The following GTF2IRD2B variants were observed in gnomAD, a reference collection of about 807,000 sequenced individuals.
The protein encoded by GTF2IRD2B is general transcription factor II-I repeat domain-containing protein 2B.
In GTF2IRD2B, 10 loss-of-function variants were observed where a neutral mutation model predicts 55.6. The ratio of observed to expected loss-of-function variants is 0.18; its 90% CI spans 0.11 to 0.31. The LOEUF (loss-of-function observed/expected upper bound fraction) is 0.31, where lower values mean the gene tolerates loss of function less well. Among genes scored for constraint, GTF2IRD2B ranks in the 10% least tolerant of loss-of-function variants. GTF2IRD2B has a pLI of 1.00. For synonymous variants in GTF2IRD2B, 107 were observed against 320.5 expected, an observed-to-expected ratio of 0.33 and a Z score of 7.12; for missense variants, 206 against 802.7, an observed-to-expected ratio of 0.26 and a Z score of 8.98.
At chr7:75,116,585 G>C (rs1284199489) in intron 3 of GTF2IRD2B, among the ~76,000 whole-genome samples, 3 of 146,416 alleles carry the variant, frequency 2.0e-5, no homozygotes, top group East Asian at 4.1e-4. Flanking sequence ...TGCTCGGCTA[G>C]GACTTCCAAA....
chr7:75,127,774 T>G (rs1808571338), intron 8 of GTF2IRD2B, among the ~76,000 whole-genome samples: 1 of 63,018 alleles, frequency 1.6e-5, no homozygotes, highest in African/African-American at 6.0e-5. Flanking sequence ...CAGTGTATAC[T>G]GGAAAAAAAA....
At chr7:75,099,837 G>T (rs1807483171) in intron 1 of GTF2IRD2B, among the ~76,000 whole-genome samples, 1 of 135,998 alleles carries the variant, frequency 7.4e-6, no homozygotes, top group Admixed American at 7.2e-5. Flanking sequence ...TTTCGGCCAG[G>T]CGTGGTAGAT....
At chr7:75,114,345 T>C (rs1295011564) in intron 3 of GTF2IRD2B, among the ~76,000 whole-genome samples, 1 of 151,610 alleles carries the variant, frequency 6.6e-6, no homozygotes, top group Non-Finnish European at 1.5e-5. Context: ...CATAGTTGCA[T>C]GTTAATTTTG....
intron 1 of GTF2IRD2B, among the ~76,000 whole-genome samples, chr7:75,101,940 G>A (rs1304726733): frequency 2.0e-5 from 3 of 149,202 alleles, no homozygotes; most frequent in Non-Finnish European, 3.0e-5. Context: ...AAAGTGTACT[G>A]TTCAGTGGTT....
Position 75,148,843 on chromosome 7 carries a change from C to G in GTF2IRD2B, c.2396C>G (p.Thr799Arg), listed in dbSNP as rs376335386. ...AKLCLWETHL[T>R]RNNLAHFPTL... ...CTGTGCCTCTGGGAGACTCATTTGA[C>G]GAGGAATAATCTGGCCCACTTTCCC... The change falls in exon 16 of 16, where the codon ACG (threonine) becomes AGG (arginine). Residue 799 changes from threonine (T) to arginine (R), a missense_variant. Physicochemically the swap from Thr to Arg is moderately conservative, Grantham distance 71. Transcript: ENST00000472837. 1.9e-6 allele frequency: 3 copies of G among 1,607,632 alleles called. No homozygotes were observed. Among genetic ancestry groups the G allele is most frequent in the South Asian group, 2.2e-5 (2 of 90,956 alleles).
intron 1 of GTF2IRD2B, among the ~76,000 whole-genome samples, chr7:75,107,371 C>A (rs1318977888): frequency 6.6e-6 from 1 of 151,178 alleles, no homozygotes; most frequent in Non-Finnish European, 1.5e-5. Flanking sequence ...GTCAGGAGAT[C>A]GAGACCATCC....
At chr7:75,116,416 TA>T (rs1452349891) in intron 3 of GTF2IRD2B, among the ~76,000 whole-genome samples, 1 of 152,250 alleles carries the variant, frequency 6.6e-6, no homozygotes, top group Non-Finnish European at 1.5e-5. Context: ...GTTGATGTAG[TA>T]TCCTGCAACT....
At chr7:75,132,358 C>A (rs1384294994) in intron 8 of GTF2IRD2B, among the ~76,000 whole-genome samples, 10 of 83,576 alleles carry the variant, frequency 1.2e-4, no homozygotes, top group African/African-American at 3.7e-4. Context: ...GACTCTGTCT[C>A]AAAAAAAAAA....
chr7:75,127,273 G>GT (rs1255546985), intron 8 of GTF2IRD2B, among the ~76,000 whole-genome samples: 2 of 151,248 alleles, frequency 1.3e-5, no homozygotes, highest in East Asian at 3.9e-4. Flanking sequence ...GAACCCCGGA[G>GT]TTCAAGACCA....
At chr7:75,130,097 C>CTT (rs1397077792) in intron 8 of GTF2IRD2B, among the ~76,000 whole-genome samples, 15 of 96,046 alleles carry the variant, frequency 1.6e-4, no homozygotes, top group African/African-American at 5.5e-4. Flanking sequence ...TTTTCTCTTT[C>CTT]TTTCTTTCTT....
chr7:75,105,090 G>A (rs1244081831), intron 1 of GTF2IRD2B, among the ~76,000 whole-genome samples: 17 of 152,412 alleles, frequency 1.1e-4, no homozygotes, highest in East Asian at 3.8e-4. Flanking sequence ...CCAGCCACCC[G>A]GGGGCTGAAA....
At chr7:75,136,195 A>T (rs1554534593) in intron 10 of GTF2IRD2B, among the ~76,000 whole-genome samples, 21 of 131,760 alleles carry the variant, frequency 1.6e-4, no homozygotes, top group African/African-American at 6.0e-4. Context: ...CCAAACCTAG[A>T]GGCGTGGGAC....
At chr7:75,109,347 T>G (rs1554450438) in intron 2 of GTF2IRD2B, among the ~76,000 whole-genome samples, 2 of 143,940 alleles carry the variant, frequency 1.4e-5, no homozygotes, top group African/African-American at 2.5e-5. Flanking sequence ...CTAATTTTTG[T>G]TTTTTTTTTG....
chr7:75,093,001 T>G (rs1443132572), intron 1 of GTF2IRD2B, among the ~76,000 whole-genome samples: 2 of 152,292 alleles, frequency 1.3e-5, no homozygotes, highest in African/African-American at 4.8e-5. Flanking sequence ...GGGGCAATGG[T>G]CGTACGCACG....
intron 1 of GTF2IRD2B, among the ~76,000 whole-genome samples, chr7:75,106,767 C>T (rs1195201729): frequency 1.7e-5 from 2 of 116,058 alleles, no homozygotes; most frequent in African/African-American, 5.8e-5. Context: ...TTAGCTGAGC[C>T]TGGTAATACA....
In GTF2IRD2B at chr7:75,130,113, C is replaced by CTTTG. The variant is rs1258314959; in HGVS notation, c.671-3019_671-3018insGTTT. Among the ~76,000 whole-genome samples the CTTTG allele has an allele frequency of 6.5e-5, 7 of 108,432 alleles. No homozygotes were observed. The East Asian group carries it at 2.0e-3, about 31-fold the overall frequency. The allele number at this position is 108,432 out of a possible 152,430, so 71.1% of individuals were successfully genotyped here. On this transcript the variant is annotated intron_variant, in intron 8 of 15. Transcript: ENST00000472837. ...TTTCTCTTTCTTTCTTTCTTTCTTT[C>CTTTG]TTTCTTTCTTTCTTTCTTTCTTTCT... is the stretch of plus-strand genomic sequence containing the variant.
chr7:75,118,074 C>CA (rs57631816), intron 3 of GTF2IRD2B, among the ~76,000 whole-genome samples: 6,060 of 104,234 alleles, frequency 0.058, 40 homozygotes, highest in African/African-American at 0.12. Context: ...CAGAGCAAGA[C>CA]AAAAAAAAAA....
intron 1 of GTF2IRD2B, among the ~76,000 whole-genome samples, chr7:75,105,741 T>C (rs1385305239): frequency 1.4e-4 from 22 of 152,302 alleles, no homozygotes; most frequent in Admixed American, 1.4e-3. Context: ...CAACCTTCTG[T>C]AACTGTCCAG....
chr7:75,102,598 G>A (rs1807612108), intron 1 of GTF2IRD2B, among the ~76,000 whole-genome samples: 1 of 151,482 alleles, frequency 6.6e-6, no homozygotes, highest in African/African-American at 2.4e-5. Context: ...GTTGGAGGCT[G>A]CAGGGAGCCA....
Sources: gnomAD v4.1 joint callset for allele counts (sites outside exome capture counted in the v4.1 genomes callset) on GRCh38, gnomAD v4.1.1 for gene constraint, MANE v1.5 for transcripts, NCBI Gene and HGNC (gene_info 2026-07-23, HGNC 2026-07-21) for gene names.